Variants in NCAPG observed in about 807,000 individuals in gnomAD.
NCAPG encodes non-SMC condensin I complex subunit G.
NCAPG carries 69 observed loss-of-function variants against 113.1 expected under a neutral mutation model. That is an observed-to-expected ratio of 0.61 (90% CI 0.50 to 0.75). The LOEUF (loss-of-function observed/expected upper bound fraction) is 0.75, where lower values mean the gene tolerates loss of function less well. NCAPG is among the 30% of genes least tolerant of loss of function. The pLI is 0.00. For synonymous variants in NCAPG, 370 were observed against 415.8 expected, an observed-to-expected ratio of 0.89 and a Z score of 1.34; for missense variants, 1,058 against 1,177.0, an observed-to-expected ratio of 0.90 and a Z score of 1.48.
chr4:17,820,653 A>C (rs1721419332), intron 7 of NCAPG, among the ~76,000 whole-genome samples: 1 of 152,216 alleles, frequency 6.6e-6, no homozygotes, highest in Non-Finnish European at 1.5e-5. Flanking sequence ...GTGATTGTTG[A>C]AAGAATACCT....
chr4:17,834,394 A>G lies in NCAPG; in HGVS notation c.1980A>G (p.Lys660=). The change falls in exon 14 of 21, where the codon AAA becomes AAG. Residue 660 remains lysine (K), a synonymous_variant. Transcript: ENST00000251496. ...MTFGIEPFKT[K]KIKTLHCEGT... Reference sequence around the variant, plus strand: ...TCGGGATTGAACCATTTAAAACTAAAAAAATCAAAACACTTCATTGTGAAG... The same window carrying G: ...TCGGGATTGAACCATTTAAAACTAAGAAAATCAAAACACTTCATTGTGAAG... 6.2e-6 allele frequency: 10 copies of G among 1,611,624 alleles called. No individual in the cohort carries two copies. Among genetic ancestry groups the G allele is most frequent in the Non-Finnish European group, 7.6e-6 (9 of 1,178,706 alleles).
chr4:17,813,738 A>G (rs1480676045), intron 3 of NCAPG, among the ~76,000 whole-genome samples: 1 of 152,050 alleles, frequency 6.6e-6, no homozygotes, highest in East Asian at 1.9e-4. Flanking sequence ...AAAAATATAA[A>G]TCTCTGCCAT....
intron 12 of NCAPG, 34 bp downstream of exon 12, chr4:17,828,422 C>A (rs1469572803): frequency 8.3e-7 from 1 of 1,205,400 alleles, no homozygotes; most frequent in Non-Finnish European, 1.2e-6. Context: ...TTATTTTAGT[C>A]CACTCCTTTC....
In NCAPG at chr4:17,831,052, G is replaced by A. The variant is rs1721849409; in HGVS notation, c.1820G>A (p.Cys607Tyr). The change falls in exon 13 of 21, where the codon TGC (cysteine) becomes TAC (tyrosine). Residue 607 changes from cysteine (C) to tyrosine (Y), a missense_variant. By Grantham distance (194) the Cys-to-Tyr change is radical. Coordinates refer to ENST00000251496, the MANE Select transcript of NCAPG (RefSeq NM_022346.5). Reference sequence around the variant, plus strand: ...GTTGTAAGAAACCTGGCTGTTTTATGCTTGGGATGCTGTGGACTACAGAAT... The same window carrying A: ...GTTGTAAGAAACCTGGCTGTTTTATACTTGGGATGCTGTGGACTACAGAAT... ...HPVVRNLAVL[C>Y]LGCCGLQNQD... 6.2e-7 allele frequency: 1 copy of A among 1,613,472 alleles called. No homozygotes were observed. Among genetic ancestry groups the A allele is most frequent in the Admixed American group, 1.7e-5 (1 of 59,952 alleles).
chr4:17,835,536 A>C (rs981165930), intron 14 of NCAPG, among the ~76,000 whole-genome samples: 2 of 152,208 alleles, frequency 1.3e-5, no homozygotes, highest in Admixed American at 6.5e-5. Context: ...CATTTAGTAC[A>C]TTCAAAATGA....
chr4:17,841,047 G>A (rs1490337468), intron 19 of NCAPG, among the ~76,000 whole-genome samples: 1 of 151,792 alleles, frequency 6.6e-6, no homozygotes, highest in Non-Finnish European at 1.5e-5. Flanking sequence ...AATCCCTGTA[G>A]TATTTTTCTG....
chr4:17,821,303 A>G (rs1721446020), intron 7 of NCAPG, among the ~76,000 whole-genome samples: 1 of 152,074 alleles, frequency 6.6e-6, no homozygotes, highest in Non-Finnish European at 1.5e-5. Context: ...TCCTACTAGA[A>G]CCCAAAGGGT....
intron 20 of NCAPG, 165 bp from the exon 21 acceptor site, chr4:17,843,137 C>A (rs1173594878): frequency 6.3e-6 from 4 of 637,044 alleles, no homozygotes; most frequent in African/African-American, 1.8e-5. Context: ...ATAGCCAAGT[C>A]AGTGTTTTTT....
intron 12 of NCAPG, among the ~76,000 whole-genome samples, chr4:17,830,396 A>G (rs1300928925): frequency 6.6e-6 from 1 of 152,088 alleles, no homozygotes; most frequent in Non-Finnish European, 1.5e-5. Flanking sequence ...CTGTCTCAAA[A>G]AAAAAAGAAA....
intron 12 of NCAPG, 57 bp downstream of exon 12, chr4:17,828,445 T>G: frequency 1.1e-6 from 1 of 945,274 alleles, no homozygotes; most frequent in South Asian, 1.6e-5. Flanking sequence ...ATTTTGTAAG[T>G]GATATGTTCT....
chr4:17,831,792 A>G (rs1163468634), intron 13 of NCAPG, among the ~76,000 whole-genome samples: 3 of 152,206 alleles, frequency 2.0e-5, no homozygotes, highest in Non-Finnish European at 4.4e-5. Context: ...CAGGATGTCC[A>G]TGTCTTCTAG....
intron 7 of NCAPG, among the ~76,000 whole-genome samples, chr4:17,821,450 C>T (rs908099225): frequency 2.1e-5 from 3 of 140,912 alleles, no homozygotes; most frequent in Non-Finnish European, 4.6e-5. Flanking sequence ...GTTTTTGTCA[C>T]CCCCGCCTTT....
At position 17,825,036 on chromosome 4, in the gene NCAPG, T is replaced by C; in HGVS notation, c.1452T>C (p.Asp484=). The change falls in exon 10 of 21, where the codon GAT becomes GAC. Residue 484 remains aspartate, a synonymous_variant. Coordinates refer to ENST00000251496, the MANE Select transcript of NCAPG (RefSeq NM_022346.5). The part of the protein sequence containing the change: ...VTVGVNNDPA[D]VRKKELKMAE... ...TTGGTGTTAATAACGATCCAGCTGA[T>C]GTAAGAAAGAAAGAACTCAAGGTAA... The C allele has an allele frequency of 3.1e-6, 5 of 1,612,464 alleles. No homozygotes were observed. Among genetic ancestry groups the C allele is most frequent in the Non-Finnish European group, 4.2e-6 (5 of 1,179,136 alleles).
intron 12 of NCAPG, 100 bp from the exon 13 acceptor site, chr4:17,830,897 C>T: frequency 8.0e-7 from 1 of 1,253,264 alleles, no homozygotes; most frequent in South Asian, 1.5e-5. Flanking sequence ...TAATACTTAC[C>T]TTTTCTTTAA....
chr4:17,819,594 G>A (rs1214319458), intron 7 of NCAPG, among the ~76,000 whole-genome samples: 1 of 152,102 alleles, frequency 6.6e-6, no homozygotes, highest in African/African-American at 2.4e-5. Flanking sequence ...TAGAGATGGG[G>A]TTTCACCATG....
intron 7 of NCAPG, among the ~76,000 whole-genome samples, chr4:17,820,717 A>T (rs1486897328): frequency 6.6e-6 from 1 of 152,226 alleles, no homozygotes; most frequent in Non-Finnish European, 1.5e-5. Context: ...GGATTAGTAT[A>T]CTTGAGTACA....
chr4:17,832,462 C>T (rs1405719434), intron 13 of NCAPG, among the ~76,000 whole-genome samples: 1 of 152,154 alleles, frequency 6.6e-6, no homozygotes, highest in South Asian at 2.1e-4. Flanking sequence ...GATGAATTTG[C>T]GTTTTCCTAT....
chr4:17,843,227 CAA>C lies in NCAPG; in HGVS notation c.2925-70_2925-69del, dbSNP rs1053290855. 2.7e-6 allele frequency: 4 copies of C among 1,499,118 alleles called. No individual in the cohort carries two copies. The African/African-American group carries it at 5.6e-5, about 21-fold the overall frequency. 92.9% of individuals were successfully genotyped at this position (1,499,118 alleles called of 1,614,324 possible). On this transcript the variant is annotated intron_variant, in intron 20 of 20. Transcript: ENST00000251496. ...ACACTGATAGAATGTGAGTCAGAAACAAAAAAGTTTTATTTATAAATAAACTG... is the reference window on the plus strand; with the variant it reads ...ACACTGATAGAATGTGAGTCAGAAACAAAAGTTTTATTTATAAATAAACTG...
intron 5 of NCAPG, among the ~76,000 whole-genome samples, chr4:17,816,613 C>T (rs925855662): frequency 2.0e-5 from 3 of 152,184 alleles, no homozygotes; most frequent in Admixed American, 2.0e-4. Context: ...GTATAGTTCA[C>T]TACTGCAAAT....
Sources: allele counts gnomAD v4.1 joint callset (sites outside exome capture counted in the v4.1 genomes callset), GRCh38; gene constraint gnomAD v4.1.1; transcripts MANE v1.5; gene names NCBI Gene and HGNC (gene_info 2026-07-23, HGNC 2026-07-21).